NDUFA9: variants seen among roughly 807,000 people sequenced by gnomAD.
The protein encoded by NDUFA9 is NADH dehydrogenase [ubiquinone] 1 alpha subcomplex subunit 9, mitochondrial.
Under a neutral mutation model 45.9 loss-of-function variants are expected in NDUFA9, and 23 were observed. The ratio of observed to expected loss-of-function variants is 0.50; its 90% CI spans 0.36 to 0.71. The LOEUF (loss-of-function observed/expected upper bound fraction) is 0.71. Ranked by LOEUF, NDUFA9 falls within the 30% of genes least tolerant of loss-of-function variation. NDUFA9 has a pLI of 0.00. For synonymous variants in NDUFA9, 176 were observed against 170.5 expected (o/e 1.03, Z -0.25); for missense variants, 466 against 488.2 (o/e 0.95, Z 0.43).
At chr12:4,679,395 G>A (rs1945939718) in intron 8 of NDUFA9, among the ~76,000 whole-genome samples, 1 of 152,212 alleles carries the variant, frequency 6.6e-6, no homozygotes, top group African/African-American at 2.4e-5. Flanking sequence ...TTTAATGTAT[G>A]TAAATTATAC....
In NDUFA9 at chr12:4,682,364, G is replaced by A. The variant is rs547468718; in HGVS notation, c.896+64G>A. ...CCAGCTCCACACACTTGTTCCTAATGTTCTCCCTTAGGGTTATAGGGTGTG... is the reference window on the plus strand; with the variant it reads ...CCAGCTCCACACACTTGTTCCTAATATTCTCCCTTAGGGTTATAGGGTGTG... On this transcript the variant is annotated intron_variant, in intron 9 of 10. Coordinates refer to ENST00000266544, the MANE Select transcript of NDUFA9 (RefSeq NM_005002.5). 33 of 1,260,396 alleles carry A rather than the reference G, an allele frequency of 2.6e-5. No homozygotes were observed. The East Asian group carries it at 6.5e-4, about 25-fold the overall frequency. The allele number at this position is 1,260,396 out of a possible 1,614,324, so 78.1% of individuals were successfully genotyped here.
At chr12:4,685,056 C>G (rs537339457) in intron 9 of NDUFA9, 12 of 689,412 alleles carry the variant, frequency 1.7e-5, no homozygotes, top group Non-Finnish European at 2.7e-5. Context: ...CCAGCAGTTA[C>G]AGCAGCCGAC....
In NDUFA9 at chr12:4,687,392, A is replaced by T; in HGVS notation, c.*284A>T. On this transcript the variant is annotated 3_prime_UTR_variant, in exon 11 of 11. Transcript: ENST00000266544. Reference sequence around the variant, plus strand: ...TTTCCTATGACAAACCACTTCTAGCATACGTTCTAGAAGACAAGGACCCTT... The same window carrying T: ...TTTCCTATGACAAACCACTTCTAGCTTACGTTCTAGAAGACAAGGACCCTT... 4.2e-6 allele frequency: 1 copy of T among 239,908 alleles called. No individual in the cohort carries two copies. Among genetic ancestry groups the T allele is most frequent in the Non-Finnish European group, 7.9e-6 (1 of 125,910 alleles). The allele number at this position is 239,908 out of a possible 1,614,324, so 14.9% of individuals were successfully genotyped here.
chr12:4,669,870 A>G, intron 8 of NDUFA9, 53 bp downstream of exon 8: 1 of 1,238,322 alleles, frequency 8.1e-7, no homozygotes, highest in Non-Finnish European at 1.2e-6. Flanking sequence ...GAAGGAATCA[A>G]TATCTAAATT....
In NDUFA9 at chr12:4,687,929, C is replaced by G. The variant is rs1278932467; in HGVS notation, c.*821C>G. 1 of 152,224 alleles carries G rather than the reference C, an allele frequency of 6.6e-6. No individual in the cohort carries two copies. The highest frequency in any genetic ancestry group is 6.5e-5 in the Admixed American group (1 of 15,282). 9.4% of individuals were successfully genotyped at this position (152,224 alleles called of 1,614,324 possible). On this transcript the variant is annotated 3_prime_UTR_variant, in exon 11 of 11. Transcript: ENST00000266544. ...CAACATACCACCATCCTAGGTGACC[C>G]AGGGTTGGTCATTGTGTTTCACTGG...
Position 4,654,441 on chromosome 12 carries a change from C to T in NDUFA9, c.199C>T (p.Arg67Ter), listed in dbSNP as rs758574474. 7.4e-6 allele frequency: 12 copies of T among 1,613,904 alleles called. No homozygotes were observed. The highest frequency in any genetic ancestry group is 1.3e-5 in the African/African-American group (1 of 74,890). Residue 67 changes from arginine (R) to a stop codon, truncating the protein, a stop_gained, in exon 2 of 11, where the codon CGA becomes TGA. Transcript: ENST00000266544. LOFTEE classifies it high-confidence loss of function. The stretch of plus-strand genomic sequence containing the variant: ...GTTTGGAGCAACAGGATTCCTGGGG[C>T]GATATGTTGTCAACCACCTTGGTAA... ...TVFGATGFLG[R>*]YVVNHLGRMG...
At chr12:4,679,384 T>C (rs1280792218) in intron 8 of NDUFA9, among the ~76,000 whole-genome samples, 2 of 152,222 alleles carry the variant, frequency 1.3e-5, no homozygotes, top group Non-Finnish European at 2.9e-5. Flanking sequence ...AATGGATGAA[T>C]TTTAATGTAT....
intron 8 of NDUFA9, among the ~76,000 whole-genome samples, chr12:4,680,503 C>T (rs1274320818): frequency 6.6e-6 from 1 of 152,192 alleles, no homozygotes; most frequent in African/African-American, 2.4e-5. Context: ...GGCACTTAAA[C>T]TAGTGTTCCG....
At chr12:4,677,808 A>G (rs1945928991) in intron 8 of NDUFA9, among the ~76,000 whole-genome samples, 1 of 152,244 alleles carries the variant, frequency 6.6e-6, no homozygotes, top group Non-Finnish European at 1.5e-5. Context: ...AAAGGATTAT[A>G]AATTATTCTA....
intron 8 of NDUFA9, among the ~76,000 whole-genome samples, chr12:4,678,464 A>C (rs917488441): frequency 1.3e-5 from 2 of 152,142 alleles, no homozygotes; most frequent in Admixed American, 1.3e-4. Context: ...GACTTCACCA[A>C]AATTAAAGCT....
chr12:4,655,451 A>C (rs981790433), intron 3 of NDUFA9: 1 of 152,260 alleles, frequency 6.6e-6, no homozygotes, highest in East Asian at 1.9e-4. Flanking sequence ...TCAAAGACTC[A>C]GTATGAAGAA....
At position 4,693,309 on chromosome 12, in the gene NDUFA9, A is replaced by G. The variant is rs1421730352; in HGVS notation, c.*6201A>G. On this transcript the variant is annotated 3_prime_UTR_variant, in exon 11 of 11. Coordinates refer to ENST00000266544, the MANE Select transcript of NDUFA9 (RefSeq NM_005002.5). ...TGGTCTTGTTCAGGTAATAATTTTA[A>G]TTCTATAATAAAATCTCAAGTTATA... 6.6e-6 allele frequency: 1 copy of G among 152,216 alleles called. No homozygotes were observed. 9.4% of individuals were successfully genotyped at this position (152,216 alleles called of 1,614,324 possible).
chr12:4,654,377 A>G lies in NDUFA9; in HGVS notation c.135A>G (p.Lys45=), dbSNP rs748095158. ...ATCATGCCCTCATGCCTCATGGGAAAGGTGGACGTTCCTCAGTCAGTGGGA... is the reference window on the plus strand; with the variant it reads ...ATCATGCCCTCATGCCTCATGGGAAGGGTGGACGTTCCTCAGTCAGTGGGA... The part of the protein sequence containing the change: ...QLHHALMPHG[K]GGRSSVSGIV... The change falls in exon 2 of 11, where the codon AAA becomes AAG. Residue 45 remains lysine (K), a synonymous_variant. Transcript: ENST00000266544. 6.2e-6 allele frequency: 10 copies of G among 1,614,168 alleles called. No individual in the cohort carries two copies. In the South Asian group the frequency reaches 1.1e-4, roughly 18 times the overall value.
chr12:4,668,852 G>A (rs576166156), intron 7 of NDUFA9: 23 of 314,658 alleles, frequency 7.3e-5, no homozygotes, highest in Middle Eastern at 2.0e-3. Context: ...AGCAGTTATT[G>A]TACAACGTGA....
chr12:4,671,314 A>G (rs1945885809), intron 8 of NDUFA9, among the ~76,000 whole-genome samples: 1 of 152,246 alleles, frequency 6.6e-6, no homozygotes, highest in Non-Finnish European at 1.5e-5. Flanking sequence ...ATCACGATGT[A>G]TAAGATCAGC....
chr12:4,693,030 A>C lies in NDUFA9; in HGVS notation c.*5922A>C, dbSNP rs1946026334. On this transcript the variant is annotated 3_prime_UTR_variant, in exon 11 of 11. Coordinates refer to ENST00000266544, the MANE Select transcript of NDUFA9 (RefSeq NM_005002.5). ...CCGGGTGCAGTGGCTCGCGCCTGTA[A>C]TCCCAGCACTTTGGGAGGCTGAGGT... 6.6e-6 allele frequency: 1 copy of C among 152,370 alleles called. No individual in the cohort carries two copies. The highest frequency in any genetic ancestry group is 1.5e-5 in the Non-Finnish European group (1 of 68,198). 9.4% of individuals were successfully genotyped at this position (152,370 alleles called of 1,614,324 possible). A position where few individuals can be genotyped will look rare whatever the true frequency, so the allele number is the denominator to read the frequency against.
At position 4,688,949 on chromosome 12, in the gene NDUFA9, ACTTT is replaced by A. The variant is rs1946003483; in HGVS notation, c.*1847_*1850del. On this transcript the variant is annotated 3_prime_UTR_variant, in exon 11 of 11. Coordinates refer to ENST00000266544, the MANE Select transcript of NDUFA9 (RefSeq NM_005002.5). ...CAGTGTCCTCTCTTAGAATATCTAC[ACTTT>A]CTTTCCTTTTTTTGATTCTTAAAAA... 6.6e-6 allele frequency: 1 copy of A among 152,156 alleles called. No individual in the cohort carries two copies. Among genetic ancestry groups the A allele is most frequent in the Admixed American group, 6.5e-5 (1 of 15,274 alleles). The allele number at this position is 152,156 out of a possible 1,614,324, so 9.4% of individuals were successfully genotyped here.
rs1946014293 is a variant in NDUFA9, at chr12:4,690,691, CAGAG to C, written c.*3584_*3587del. Reference sequence around the variant, plus strand: ...CACCACTGCACTCCAGCCTGGGAGACAGAGGGAGACTCTGTCTAAAATAAATAAT... The same window carrying C: ...CACCACTGCACTCCAGCCTGGGAGACGGAGACTCTGTCTAAAATAAATAAT... On this transcript the variant is annotated 3_prime_UTR_variant, in exon 11 of 11. Transcript: ENST00000266544. 1 of 151,456 alleles carries C rather than the reference CAGAG, an allele frequency of 6.6e-6. No individual in the cohort carries two copies. Among genetic ancestry groups the C allele is most frequent in the Non-Finnish European group, 1.5e-5 (1 of 67,942 alleles). 9.4% of individuals were successfully genotyped at this position (151,456 alleles called of 1,614,324 possible). A position where few individuals can be genotyped will look rare whatever the true frequency, so the allele number is the denominator to read the frequency against.
chr12:4,659,501 T>C (rs550389073), intron 5 of NDUFA9, among the ~76,000 whole-genome samples: 31 of 152,212 alleles, frequency 2.0e-4, no homozygotes, highest in Non-Finnish European at 4.0e-4. Flanking sequence ...CATACCTGTG[T>C]CATCTACCAT....
Sources: allele counts gnomAD v4.1 joint callset (sites outside exome capture counted in the v4.1 genomes callset), GRCh38; gene constraint gnomAD v4.1.1; transcripts MANE v1.5; gene names NCBI Gene and HGNC (gene_info 2026-07-23, HGNC 2026-07-21).